The following SLC8A1 variants were observed in gnomAD, a reference collection of about 807,000 sequenced individuals.
The protein encoded by SLC8A1 is sodium/calcium exchanger 1.
SLC8A1 carries 18 observed loss-of-function variants against 68.3 expected under a neutral mutation model. That is an observed-to-expected ratio of 0.26 (90% CI 0.18 to 0.39). The LOEUF (loss-of-function observed/expected upper bound fraction) is 0.39, where lower values mean the gene tolerates loss of function less well. Among genes scored for constraint, SLC8A1 ranks in the 10% least tolerant of loss-of-function variants. SLC8A1 has a pLI of 1.00. For synonymous variants in SLC8A1, 475 were observed against 415.5 expected, an observed-to-expected ratio of 1.14 and a Z score of -1.74; for missense variants, 985 against 1,156.7, an observed-to-expected ratio of 0.85 and a Z score of 2.15.
intron 2 of SLC8A1, among the ~76,000 whole-genome samples, chr2:40,353,632 C>A (rs530256677): frequency 2.5e-4 from 38 of 152,158 alleles, no homozygotes; most frequent in African/African-American, 9.2e-4. Context: ...TAATTCTAGG[C>A]CTGAAAACTA....
At chr2:40,428,639 G>A in exon 2 of SLC8A1, 1 of 1,613,758 alleles carries the variant, frequency 6.2e-7, no homozygotes, top group Non-Finnish European at 8.5e-7. Flanking sequence ...TCACTCACAT[G>A]AGTCACAGGT....
intron 2 of SLC8A1, among the ~76,000 whole-genome samples, chr2:40,306,898 ATTTTT>A (rs967703623): frequency 2.6e-5 from 4 of 152,002 alleles, no homozygotes; most frequent in Admixed American, 2.6e-4. Context: ...TAAATCTCTG[ATTTTT>A]TTTGTTTGCT....
chr2:40,297,212 C>T (rs2070556867), intron 2 of SLC8A1, among the ~76,000 whole-genome samples: 2 of 152,090 alleles, frequency 1.3e-5, no homozygotes, highest in Admixed American at 1.3e-4. Context: ...CTGCAAGACA[C>T]AGAAATACAT....
chr2:40,304,416 G>C (rs1400120621), intron 2 of SLC8A1, among the ~76,000 whole-genome samples: 1 of 152,112 alleles, frequency 6.6e-6, no homozygotes, highest in Non-Finnish European at 1.5e-5. Flanking sequence ...ACATTATCAA[G>C]TCCTGGAAGG....
At chr2:40,419,890 T>A (rs1176355632) in intron 2 of SLC8A1, among the ~76,000 whole-genome samples, 1 of 152,180 alleles carries the variant, frequency 6.6e-6, no homozygotes, top group Non-Finnish European at 1.5e-5. Context: ...ATAAACACAT[T>A]GCTATCAGGT....
intron 2 of SLC8A1, among the ~76,000 whole-genome samples, chr2:40,233,011 G>A (rs1443571734): frequency 6.6e-6 from 1 of 151,788 alleles, no homozygotes; most frequent in Non-Finnish European, 1.5e-5. Flanking sequence ...TTGGACATTT[G>A]GGTTGGTTCC....
intron 1 of SLC8A1, among the ~76,000 whole-genome samples, chr2:40,447,102 A>G (rs1302609851): frequency 6.6e-6 from 1 of 152,210 alleles, no homozygotes; most frequent in Non-Finnish European, 1.5e-5. Flanking sequence ...AATTAAGATG[A>G]TCTTTAATAT....
At chr2:40,408,628 A>C (rs1691127025) in intron 2 of SLC8A1, among the ~76,000 whole-genome samples, 1 of 152,204 alleles carries the variant, frequency 6.6e-6, no homozygotes, top group Non-Finnish European at 1.5e-5. Flanking sequence ...GTGGGAATTG[A>C]AACTACAATA....
At chr2:40,117,287 A>G (rs1485448131) in intron 7 of SLC8A1, among the ~76,000 whole-genome samples, 8 of 150,558 alleles carry the variant, frequency 5.3e-5, no homozygotes, top group African/African-American at 1.7e-4. Flanking sequence ...GCTCATGCCT[A>G]TAATCCCAGT....
At chr2:40,467,421 A>G (rs1229622825) in intron 1 of SLC8A1, among the ~76,000 whole-genome samples, 1 of 152,134 alleles carries the variant, frequency 6.6e-6, no homozygotes, top group African/African-American at 2.4e-5. Flanking sequence ...AAGTGCTATT[A>G]ACTGCTATTC....
intron 1 of SLC8A1, among the ~76,000 whole-genome samples, chr2:40,448,933 A>G (rs1471830943): frequency 1.3e-5 from 2 of 152,190 alleles, no homozygotes; most frequent in African/African-American, 4.8e-5. Context: ...GTTTACTTGA[A>G]AGCAACATAC....
At chr2:40,221,048 C>T (rs2058259013) in intron 2 of SLC8A1, among the ~76,000 whole-genome samples, 1 of 151,572 alleles carries the variant, frequency 6.6e-6, no homozygotes, top group Admixed American at 6.6e-5. Flanking sequence ...CATCCTGATA[C>T]CAAAACCTGG....
Position 40,146,918 on chromosome 2 carries a change from A to G in SLC8A1, c.2162-7242T>C, listed in dbSNP as rs535358169. 2.0e-4 allele frequency among the ~76,000 whole-genome samples: 31 copies of G among 152,252 alleles called. No individual in the cohort carries two copies. In the South Asian group the frequency reaches 4.6e-3, roughly 22 times the overall value. On this transcript the variant is annotated intron_variant, in intron 6 of 7. Coordinates refer to ENST00000406785, the Ensembl canonical transcript of SLC8A1. ...TTTGGGCCAGGTGATGTGTGACAGT[A>G]TTGTAAAGGGCGTCAAGAAGGCAAC...
chr2:40,110,502 T>C lies in SLC8A1; in HGVS notation c.*4751A>G, dbSNP rs1256197336. ...TTTCTTTTTCTGAAATAGGATTCTG[T>C]ATCTTCTGCATAATGCACTCACCAA... is the stretch of plus-strand genomic sequence containing the variant. On this transcript the variant is annotated 3_prime_UTR_variant, in exon 8 of 8. Coordinates refer to ENST00000406785, the Ensembl canonical transcript of SLC8A1. 5 of 152,334 alleles carry C rather than the reference T, an allele frequency of 3.3e-5. No homozygotes were observed. In the East Asian group the frequency reaches 9.6e-4, roughly 29 times the overall value. 9.4% of individuals were successfully genotyped at this position (152,334 alleles called of 1,614,324 possible).
At chr2:40,334,161 C>T (rs1048383585) in intron 2 of SLC8A1, among the ~76,000 whole-genome samples, 12 of 152,082 alleles carry the variant, frequency 7.9e-5, no homozygotes, top group African/African-American at 2.9e-4. Flanking sequence ...CTAAAAGGAG[C>T]CTTAGAGACT....
intron 2 of SLC8A1, among the ~76,000 whole-genome samples, chr2:40,366,594 C>A (rs1184030144): frequency 6.6e-6 from 1 of 151,968 alleles, no homozygotes; most frequent in Non-Finnish European, 1.5e-5. Context: ...ATAGAGGAGG[C>A]AACAGGCTTA....
chr2:40,304,102 T>A (rs1000310736), intron 2 of SLC8A1, among the ~76,000 whole-genome samples: 3 of 152,188 alleles, frequency 2.0e-5, no homozygotes, highest in Non-Finnish European at 4.4e-5. Context: ...TTTGAGTCCT[T>A]TAGTATATCT....
chr2:40,200,192 T>TTA (rs1176638805), intron 2 of SLC8A1, among the ~76,000 whole-genome samples: 458 of 9,624 alleles, frequency 0.048, 55 homozygotes, highest in Middle Eastern at 0.25. Context: ...ATATATATAT[T>TTA]TATATATATA....
intron 2 of SLC8A1, among the ~76,000 whole-genome samples, chr2:40,285,625 T>C (rs902105739): frequency 1.3e-5 from 2 of 152,118 alleles, no homozygotes; most frequent in Admixed American, 1.3e-4. Context: ...ATGAGATAAT[T>C]TGGCTTTTCT....
Sources: gnomAD v4.1 joint callset for allele counts (sites outside exome capture counted in the v4.1 genomes callset) on GRCh38, gnomAD v4.1.1 for gene constraint, MANE v1.5 for transcripts, NCBI Gene and HGNC (gene_info 2026-07-23, HGNC 2026-07-21) for gene names.